Variants in SLC14A2 observed in about 807,000 individuals in gnomAD.
SLC14A2 encodes urea transporter 2.
Under a neutral mutation model 104.6 loss-of-function variants are expected in SLC14A2, and 91 were observed. The observed-to-expected ratio is 0.87, with a 90% confidence interval of 0.73 to 1.04. The LOEUF (loss-of-function observed/expected upper bound fraction) is 1.04. Among genes scored for constraint, SLC14A2 ranks in the 50% least tolerant of loss-of-function variants. The pLI is 0.00. For synonymous variants in SLC14A2, 476 were observed against 466.4 expected, an observed-to-expected ratio of 1.02 and a Z score of -0.27; for missense variants, 1,189 against 1,156.0, an observed-to-expected ratio of 1.03 and a Z score of -0.41.
intron 1 of SLC14A2, among the ~76,000 whole-genome samples, chr18:45,433,904 C>G (rs2086556792): frequency 6.6e-6 from 1 of 152,174 alleles, no homozygotes; most frequent in South Asian, 2.1e-4. Flanking sequence ...CACATAGACA[C>G]AGGAAGGGCC....
intron 5 of SLC14A2, among the ~76,000 whole-genome samples, chr18:45,635,960 A>T (rs376223543): frequency 6.6e-6 from 1 of 152,344 alleles, no homozygotes; most frequent in African/African-American, 2.4e-5. Flanking sequence ...GAAAGCAGAC[A>T]GGGTGTGGAT....
At chr18:45,616,681 G>C (rs1338988858) in intron 1 of SLC14A2, among the ~76,000 whole-genome samples, 1 of 152,176 alleles carries the variant, frequency 6.6e-6, no homozygotes, top group Non-Finnish European at 1.5e-5. Flanking sequence ...GGCTCTGAAG[G>C]AGAACTCGAT....
At chr18:45,575,947 G>A (rs1412423622) in intron 2 of SLC14A2, among the ~76,000 whole-genome samples, 4 of 152,048 alleles carry the variant, frequency 2.6e-5, no homozygotes, top group Admixed American at 6.5e-5. Context: ...TGCCCCGGCT[G>A]GGGAGCAGAG....
At chr18:45,488,545 T>C (rs986612909) in intron 2 of SLC14A2, among the ~76,000 whole-genome samples, 3 of 152,052 alleles carry the variant, frequency 2.0e-5, no homozygotes, top group African/African-American at 7.2e-5. Context: ...AAGAACTTAG[T>C]GGGGAAAAGG....
At position 45,650,807 on chromosome 18, in the gene SLC14A2, T is replaced by C. The variant is rs932327320; in HGVS notation, c.1351+6647T>C. 3.3e-5 allele frequency among the ~76,000 whole-genome samples: 5 copies of C among 152,260 alleles called. 1 individual carries two copies. Among genetic ancestry groups the C allele is most frequent in the Admixed American group, 6.5e-5 (1 of 15,294 alleles). ...CAGGCTGGAGTGCAATGGCACGATC[T>C]CGGCTCACTGAAACCTCCACCTCCC... On this transcript the variant is annotated intron_variant, in intron 10 of 19. Transcript: ENST00000255226.
At chr18:45,585,844 G>C (rs1433174952) in intron 2 of SLC14A2, among the ~76,000 whole-genome samples, 1 of 152,220 alleles carries the variant, frequency 6.6e-6, no homozygotes, top group Non-Finnish European at 1.5e-5. Context: ...GGCTCCGCGA[G>C]AGTCCTTGAG....
chr18:45,462,976 A>G (rs1248368496), intron 1 of SLC14A2, among the ~76,000 whole-genome samples: 2 of 152,190 alleles, frequency 1.3e-5, no homozygotes, highest in Non-Finnish European at 2.9e-5. Context: ...TGCTGAATGT[A>G]TGTTAACTTT....
chr18:45,316,608 C>A (rs1042750585), intron 1 of SLC14A2, among the ~76,000 whole-genome samples: 3 of 152,154 alleles, frequency 2.0e-5, no homozygotes, highest in Non-Finnish European at 2.9e-5. Context: ...GATGCGTGGA[C>A]CTACCTGGAG....
upstream of SLC14A2, chr18:45,614,793 GCTTT>G (rs1246966309): frequency 1.5e-5 from 2 of 131,848 alleles, no homozygotes; most frequent in Non-Finnish European, 3.2e-5. Context: ...TAACTAACTT[GCTTT>G]TTTTTTTTTT....
chr18:45,340,364 C>G (rs2085381517), intron 1 of SLC14A2, among the ~76,000 whole-genome samples: 1 of 152,130 alleles, frequency 6.6e-6, no homozygotes, highest in Non-Finnish European at 1.5e-5. Flanking sequence ...TCCTGATCGC[C>G]CTGAGAAGTA....
chr18:45,341,697 A>T (rs1423724688), intron 1 of SLC14A2, among the ~76,000 whole-genome samples: 1 of 147,668 alleles, frequency 6.8e-6, no homozygotes, highest in Non-Finnish European at 1.5e-5. Flanking sequence ...GGTTCAAGCA[A>T]TTCTCCTGCC....
At chr18:45,388,824 C>A (rs181602175) in intron 1 of SLC14A2, among the ~76,000 whole-genome samples, 1 of 152,110 alleles carries the variant, frequency 6.6e-6, no homozygotes, top group Non-Finnish European at 1.5e-5. Flanking sequence ...CACACAAATA[C>A]GCATTTGTGA....
intron 1 of SLC14A2, among the ~76,000 whole-genome samples, chr18:45,273,048 A>G (rs1217525177): frequency 1.3e-5 from 2 of 152,128 alleles, no homozygotes; most frequent in Non-Finnish European, 2.9e-5. Context: ...CTTAAACTAA[A>G]GCATGATTTT....
chr18:45,455,581 C>T (rs944178817), intron 1 of SLC14A2, among the ~76,000 whole-genome samples: 11 of 151,860 alleles, frequency 7.2e-5, no homozygotes, highest in Admixed American at 4.6e-4. Flanking sequence ...CACCATGGCA[C>T]GTGTATACCT....
chr18:45,663,552 T>C (rs781069648), intron 10 of SLC14A2, among the ~76,000 whole-genome samples: 1 of 152,160 alleles, frequency 6.6e-6, no homozygotes, highest in Non-Finnish European at 1.5e-5. Context: ...TGCTCATCCA[T>C]TTCTTGACAG....
chr18:45,521,275 G>C (rs979865497), intron 2 of SLC14A2, among the ~76,000 whole-genome samples: 1 of 152,170 alleles, frequency 6.6e-6, no homozygotes, highest in Non-Finnish European at 1.5e-5. Flanking sequence ...AGTCCGACAG[G>C]GTTAAATGAC....
chr18:45,527,281 G>A (rs1300255352), intron 2 of SLC14A2, among the ~76,000 whole-genome samples: 1 of 152,160 alleles, frequency 6.6e-6, no homozygotes, highest in African/African-American at 2.4e-5. Flanking sequence ...GCACCTCTCA[G>A]CTCCCGAGAT....
chr18:45,429,586 T>C (rs1438805180), intron 1 of SLC14A2, among the ~76,000 whole-genome samples: 6 of 152,028 alleles, frequency 3.9e-5, no homozygotes, highest in East Asian at 1.9e-4. Flanking sequence ...AGGACCCCCA[T>C]TTAGAGTCAG....
chr18:45,370,785 G>C (rs1258811375), intron 1 of SLC14A2, among the ~76,000 whole-genome samples: 1 of 152,160 alleles, frequency 6.6e-6, no homozygotes, highest in East Asian at 1.9e-4. Context: ...GGGAGAGAGA[G>C]AGCGACTGGA....
Sources: allele counts gnomAD v4.1 joint callset (sites outside exome capture counted in the v4.1 genomes callset), GRCh38; gene constraint gnomAD v4.1.1; transcripts MANE v1.5; gene names NCBI Gene and HGNC (gene_info 2026-07-23, HGNC 2026-07-21).